Variants in LRP1B observed in about 807,000 individuals in gnomAD.
LRP1B encodes low-density lipoprotein receptor-related protein 1B.
In LRP1B, 217 loss-of-function variants were observed where a neutral mutation model predicts 556.6. The observed-to-expected ratio is 0.39, with a 90% CI of 0.35 to 0.44. The LOEUF is 0.44. Ranked by LOEUF, LRP1B falls within the 20% of genes least tolerant of loss-of-function variation. The probability of loss-of-function intolerance (pLI) is 1.00; values close to 1 mark genes in which losing one functional copy is unlikely to be tolerated. For synonymous variants in LRP1B, 2,047 were observed against 1,865.8 expected (o/e 1.10, Z -2.50); for missense variants, 5,053 against 5,620.8 (o/e 0.90, Z 3.23).
At chr2:141,076,928 T>C (rs1699801933) in intron 7 of LRP1B, among the ~76,000 whole-genome samples, 1 of 152,148 alleles carries the variant, frequency 6.6e-6, no homozygotes, top group Non-Finnish European at 1.5e-5. Context: ...CAAGCTCTTG[T>C]TAGTCTCATA....
At chr2:140,733,479 T>C (rs1416329238) in intron 35 of LRP1B, among the ~76,000 whole-genome samples, 1 of 152,138 alleles carries the variant, frequency 6.6e-6, no homozygotes, top group Non-Finnish European at 1.5e-5. Context: ...ACATCTATCA[T>C]TGCAGAAACA....
chr2:141,779,394 T>C (rs1695172387), intron 2 of LRP1B, among the ~76,000 whole-genome samples: 1 of 151,682 alleles, frequency 6.6e-6, no homozygotes, highest in Non-Finnish European at 1.5e-5. Context: ...AATGTGATTA[T>C]AGACAAATAT....
intron 2 of LRP1B, among the ~76,000 whole-genome samples, chr2:141,529,023 G>A (rs1162394879): frequency 6.6e-6 from 1 of 152,132 alleles, no homozygotes; most frequent in Non-Finnish European, 1.5e-5. Flanking sequence ...TTTACATTCT[G>A]TGAAAGGGCC....
At chr2:140,790,157 G>A (rs1048386192) in intron 32 of LRP1B, among the ~76,000 whole-genome samples, 1 of 152,024 alleles carries the variant, frequency 6.6e-6, no homozygotes, top group Admixed American at 6.5e-5. Context: ...CCATGAAGGC[G>A]GGGATTAGAG....
At chr2:140,492,403 C>T (rs760631335) in intron 57 of LRP1B, among the ~76,000 whole-genome samples, 2 of 152,100 alleles carry the variant, frequency 1.3e-5, no homozygotes, top group Non-Finnish European at 2.9e-5. Context: ...ACAGTGCTTT[C>T]GCATATTTCT....
In LRP1B at chr2:141,096,619, GGGGAGAGGGGGAGAGA is replaced by G. The variant is rs1184292288; in HGVS notation, c.1014-34362_1014-34347del. Among the ~76,000 whole-genome samples the G allele has an allele frequency of 2.4e-3, 81 of 34,014 alleles. 1 individual carries two copies. Among genetic ancestry groups the G allele is most frequent in the South Asian group, 4.5e-3 (3 of 672 alleles). 22.3% of individuals were successfully genotyped at this position (34,014 alleles called of 152,430 possible). ...GCACCCTAGCCTGAATGACAAAGAC[GGGGAGAGGGGGAGAGA>G]GAGAGAGAGAGAGAGAGAGAGAGAG... On this transcript the variant is annotated intron_variant, in intron 7 of 90. Transcript: ENST00000389484.
At chr2:141,350,758 T>A (rs1371566150) in intron 3 of LRP1B, among the ~76,000 whole-genome samples, 1 of 152,084 alleles carries the variant, frequency 6.6e-6, no homozygotes, top group Non-Finnish European at 1.5e-5. Flanking sequence ...CAAGTCCCTG[T>A]TTAACAACTT....
chr2:141,706,703 C>T (rs936280679), intron 2 of LRP1B, among the ~76,000 whole-genome samples: 6 of 151,938 alleles, frequency 3.9e-5, no homozygotes, highest in African/African-American at 9.7e-5. Flanking sequence ...TTTAATTCTT[C>T]GATATTCTCT....
intron 1 of LRP1B, among the ~76,000 whole-genome samples, chr2:142,011,490 T>C (rs559520315): frequency 6.6e-6 from 1 of 152,304 alleles, no homozygotes; most frequent in South Asian, 2.1e-4. Flanking sequence ...AAGATAATTA[T>C]AAGGAATGAG....
chr2:140,621,396 AAAAAG>A lies in LRP1B; in HGVS notation c.6800-19762_6800-19758del, dbSNP rs1454656456. On this transcript the variant is annotated intron_variant, in intron 41 of 90. Coordinates refer to ENST00000389484, the MANE Select transcript of LRP1B (RefSeq NM_018557.3). ...CGAGACTCTGTCTCAAAAAAAAAAA[AAAAAG>A]AAAAGAAGAAAATACTGATATTGTC... Among the ~76,000 whole-genome samples, 14 of 151,578 alleles carry A rather than the reference AAAAAG, an allele frequency of 9.2e-5. No homozygotes were observed. The South Asian group carries it at 2.5e-3, about 27-fold the overall frequency.
chr2:140,414,922 G>A (rs546683333), intron 66 of LRP1B, among the ~76,000 whole-genome samples: 1 of 152,166 alleles, frequency 6.6e-6, no homozygotes, highest in East Asian at 1.9e-4. Context: ...ATAAATGGAT[G>A]TGCAAATAGG....
At chr2:141,931,629 A>G (rs954539209) in intron 1 of LRP1B, among the ~76,000 whole-genome samples, 3 of 152,052 alleles carry the variant, frequency 2.0e-5, no homozygotes, top group Admixed American at 2.0e-4. Flanking sequence ...TTTATAAAGA[A>G]GAAATTGAGG....
chr2:141,972,046 T>C (rs915514955), intron 1 of LRP1B, among the ~76,000 whole-genome samples: 2 of 151,640 alleles, frequency 1.3e-5, no homozygotes, highest in Non-Finnish European at 3.0e-5. Flanking sequence ...GTAAAAATAT[T>C]TTCCTCATGT....
At chr2:141,781,051 G>A (rs1045001813) in intron 2 of LRP1B, among the ~76,000 whole-genome samples, 3 of 152,070 alleles carry the variant, frequency 2.0e-5, no homozygotes, top group African/African-American at 7.2e-5. Context: ...GAGACCCAGA[G>A]AGGAGAATGC....
intron 86 of LRP1B, among the ~76,000 whole-genome samples, chr2:140,247,972 T>A (rs571531471): frequency 1.3e-4 from 20 of 151,594 alleles, no homozygotes; most frequent in Non-Finnish European, 2.8e-4. Flanking sequence ...TTTAATTGGC[T>A]TCAGTTCGTA....
At chr2:141,992,409 T>C (rs1383867513) in intron 1 of LRP1B, among the ~76,000 whole-genome samples, 1 of 152,108 alleles carries the variant, frequency 6.6e-6, no homozygotes, top group South Asian at 2.1e-4. Context: ...CCCCCATTAA[T>C]TGGAATAGAT....
chr2:141,679,845 A>C (rs2105427789), intron 2 of LRP1B, among the ~76,000 whole-genome samples: 1 of 151,800 alleles, frequency 6.6e-6, no homozygotes, highest in African/African-American at 2.4e-5. Context: ...AAAAGATATA[A>C]ATTATACTTT....
Position 140,475,245 on chromosome 2 carries a change from A to G in LRP1B, c.9518T>C (p.Ile3173Thr). ...TNQSVVIETK[I>T]SRPMALTIDY... is the part of the protein sequence containing the mutation. ...TATTGTTAGTGCCATAGGTCTAGAAATCTTGGTTTCTATGACAACACTCTG... is the reference window on the plus strand; with the variant it reads ...TATTGTTAGTGCCATAGGTCTAGAAGTCTTGGTTTCTATGACAACACTCTG... The change falls in exon 60 of 91, where the codon ATT becomes ACT. Residue 3173 changes from isoleucine to threonine, a missense_variant. Physicochemically the swap from Ile to Thr is moderately conservative, Grantham distance 89 (BLOSUM62 -1). Transcript: ENST00000389484. The G allele has an allele frequency of 6.2e-7, 1 of 1,612,312 alleles. No homozygotes were observed. Among genetic ancestry groups the G allele is most frequent in the South Asian group, 1.1e-5 (1 of 91,006 alleles).
At chr2:141,945,717 T>C (rs1700934204) in intron 1 of LRP1B, among the ~76,000 whole-genome samples, 1 of 152,084 alleles carries the variant, frequency 6.6e-6, no homozygotes, top group Admixed American at 6.6e-5. Context: ...TTTTTCCCAT[T>C]CCCTGCCTCC....
Sources: allele counts gnomAD v4.1 joint callset (sites outside exome capture counted in the v4.1 genomes callset), GRCh38; gene constraint gnomAD v4.1.1; transcripts MANE v1.5; gene names NCBI Gene and HGNC (gene_info 2026-07-23, HGNC 2026-07-21).